Variants in CNTNAP5 observed in about 807,000 individuals in gnomAD.
CNTNAP5 encodes the protein contactin associated protein family member 5.
Under a neutral mutation model 150.2 loss-of-function variants are expected in CNTNAP5, and 72 were observed. That is an observed-to-expected ratio of 0.48 (90% CI 0.40 to 0.58). The LOEUF is 0.58. CNTNAP5 is among the 20% of genes least tolerant of loss of function. The probability of loss-of-function intolerance (pLI) is 0.00; values close to 1 mark genes in which losing one functional copy is unlikely to be tolerated. For missense variants in CNTNAP5, 1,636 were observed against 1,626.2 expected, an observed-to-expected ratio of 1.01 and a Z score of -0.10; for synonymous variants, 672 against 619.8, an observed-to-expected ratio of 1.08 and a Z score of -1.25.
intron 1 of CNTNAP5, among the ~76,000 whole-genome samples, chr2:124,188,423 CA>C (rs1685380922): frequency 6.6e-6 from 1 of 151,766 alleles, no homozygotes; most frequent in Non-Finnish European, 1.5e-5. Context: ...AAAGAAGGAA[CA>C]AAAAGAAAGA....
chr2:124,499,989 T>C (rs1450048309), intron 7 of CNTNAP5, among the ~76,000 whole-genome samples: 1 of 152,022 alleles, frequency 6.6e-6, no homozygotes, highest in Admixed American at 6.6e-5. Flanking sequence ...GTACCAGAAG[T>C]TGTAAATCCC....
At chr2:124,668,533 C>T (rs1678746445) in intron 13 of CNTNAP5, among the ~76,000 whole-genome samples, 1 of 152,176 alleles carries the variant, frequency 6.6e-6, no homozygotes, top group South Asian at 2.1e-4. Context: ...TCCATCCTAT[C>T]TTCACACTTG....
intron 19 of CNTNAP5, among the ~76,000 whole-genome samples, chr2:124,821,350 C>T (rs1003907801): frequency 1.3e-5 from 2 of 152,170 alleles, no homozygotes; most frequent in African/African-American, 2.4e-5. Context: ...TTCTTTTACA[C>T]TAAGGTAGCA....
chr2:124,461,877 A>AT (rs1693265210), intron 6 of CNTNAP5, among the ~76,000 whole-genome samples: 1 of 150,078 alleles, frequency 6.7e-6, no homozygotes, highest in Non-Finnish European at 1.5e-5. Flanking sequence ...AAAAAAGAAA[A>AT]AAAAAGTCGT....
intron 19 of CNTNAP5, among the ~76,000 whole-genome samples, chr2:124,801,575 T>C (rs1486470929): frequency 6.6e-6 from 1 of 152,212 alleles, no homozygotes; most frequent in East Asian, 1.9e-4. Flanking sequence ...CCTCTGAGTT[T>C]CTTCCCAAGT....
chr2:124,155,753 TCC>T (rs1684511890), intron 1 of CNTNAP5, among the ~76,000 whole-genome samples: 1 of 152,176 alleles, frequency 6.6e-6, no homozygotes, highest in Admixed American at 6.5e-5. Flanking sequence ...TTTTCACCCA[TCC>T]GTTTTTTAGG....
chr2:124,217,913 C>A lies in CNTNAP5; in HGVS notation c.83-3792C>A, dbSNP rs377188742. Reference sequence around the variant, plus strand: ...ACAGTGAAAATAAAACTTAGTATACCTGAATGTATTAGCTGGAATCATCCA... The same window carrying A: ...ACAGTGAAAATAAAACTTAGTATACATGAATGTATTAGCTGGAATCATCCA... On this transcript the variant is annotated intron_variant, in intron 1 of 23. Coordinates refer to ENST00000682447, the MANE Select transcript of CNTNAP5 (RefSeq NM_001367498.1). Among the ~76,000 whole-genome samples, 15 of 152,096 alleles carry A rather than the reference C, an allele frequency of 9.9e-5. No homozygotes were observed. In the East Asian group the frequency reaches 2.3e-3, roughly 24 times the overall value.
intron 3 of CNTNAP5, among the ~76,000 whole-genome samples, chr2:124,361,901 C>A (rs977531170): frequency 8.7e-4 from 132 of 151,930 alleles, no homozygotes; most frequent in Non-Finnish European, 1.5e-3. Context: ...GGCGCCCCTC[C>A]CCCAGCCTCG....
chr2:124,232,254 T>C (rs1411995779), intron 2 of CNTNAP5, among the ~76,000 whole-genome samples: 1 of 152,186 alleles, frequency 6.6e-6, no homozygotes, highest in Non-Finnish European at 1.5e-5. Flanking sequence ...ATAACAGCAA[T>C]TTACAATGTC....
intron 19 of CNTNAP5, among the ~76,000 whole-genome samples, chr2:124,826,952 G>T (rs1682608166): frequency 6.6e-6 from 1 of 151,886 alleles, no homozygotes; most frequent in South Asian, 2.1e-4. Flanking sequence ...ACAGGGTCTT[G>T]TTCTGCCACC....
At chr2:124,518,064 C>T (rs2104879667) in intron 8 of CNTNAP5, among the ~76,000 whole-genome samples, 1 of 152,078 alleles carries the variant, frequency 6.6e-6, no homozygotes, top group East Asian at 1.9e-4. Context: ...TACCACAAGA[C>T]ACCTACTCCT....
chr2:124,640,343 C>T (rs1678064299), intron 12 of CNTNAP5, among the ~76,000 whole-genome samples: 1 of 152,176 alleles, frequency 6.6e-6, no homozygotes, highest in African/African-American at 2.4e-5. Context: ...AGTATGTTGT[C>T]TGGAAGTCGT....
intron 11 of CNTNAP5, among the ~76,000 whole-genome samples, chr2:124,571,868 G>A (rs17320347): frequency 0.27 from 41,289 of 151,578 alleles, 5,850 homozygotes; most frequent in Middle Eastern, 0.34. Context: ...TAGATGTTTA[G>A]GGAGAAGATG....
chr2:124,342,055 A>T (rs1184196644), intron 3 of CNTNAP5, among the ~76,000 whole-genome samples: 3 of 152,176 alleles, frequency 2.0e-5, no homozygotes, highest in African/African-American at 4.8e-5. Flanking sequence ...AAAATCTCAA[A>T]CACGATAAGC....
At chr2:124,658,489 A>G (rs1456953143) in intron 13 of CNTNAP5, among the ~76,000 whole-genome samples, 1 of 151,510 alleles carries the variant, frequency 6.6e-6, no homozygotes, top group Non-Finnish European at 1.5e-5. Context: ...AGTAAAACAA[A>G]CAAACCAAAA....
At chr2:124,207,144 C>T (rs1396243233) in intron 1 of CNTNAP5, among the ~76,000 whole-genome samples, 1 of 152,182 alleles carries the variant, frequency 6.6e-6, no homozygotes, top group Non-Finnish European at 1.5e-5. Context: ...GAACTAGACT[C>T]TGTGACCCAG....
At chr2:124,765,167 G>C (rs1023824295) in intron 16 of CNTNAP5, among the ~76,000 whole-genome samples, 3 of 151,910 alleles carry the variant, frequency 2.0e-5, no homozygotes, top group Non-Finnish European at 2.9e-5. Flanking sequence ...TGTAAATTCT[G>C]GTACTGTTAA....
intron 11 of CNTNAP5, among the ~76,000 whole-genome samples, chr2:124,575,226 G>C: frequency 6.6e-6 from 1 of 152,180 alleles, no homozygotes. Flanking sequence ...CTCTTTCCAA[G>C]ATTCTTCAGA....
At chr2:124,667,569 A>T (rs1359705587) in intron 13 of CNTNAP5, among the ~76,000 whole-genome samples, 2 of 152,152 alleles carry the variant, frequency 1.3e-5, no homozygotes, top group Non-Finnish European at 2.9e-5. Context: ...GGGCAATGCT[A>T]ATTTCATTTC....
Sources: allele counts gnomAD v4.1 joint callset (sites outside exome capture counted in the v4.1 genomes callset), GRCh38; gene constraint gnomAD v4.1.1; transcripts MANE v1.5; gene names NCBI Gene and HGNC (gene_info 2026-07-23, HGNC 2026-07-21).